Variants in SRGAP3 observed in about 807,000 individuals in gnomAD.
The protein encoded by SRGAP3 is SLIT-ROBO Rho GTPase-activating protein 3.
In SRGAP3, 39 loss-of-function variants were observed where a neutral mutation model predicts 121.1. The ratio of observed to expected loss-of-function variants is 0.32; its 90% CI spans 0.25 to 0.42. SRGAP3 has a LOEUF of 0.42. SRGAP3 is among the 10% of genes least tolerant of loss of function. SRGAP3 has a pLI of 1.00. For synonymous variants in SRGAP3, 601 were observed against 570.0 expected, an observed-to-expected ratio of 1.05 and a Z score of -0.77; for missense variants, 1,213 against 1,470.6, an observed-to-expected ratio of 0.82 and a Z score of 2.86.
intron 18 of SRGAP3, among the ~76,000 whole-genome samples, chr3:9,001,290 G>C (rs1032565836): frequency 6.6e-6 from 1 of 152,142 alleles, no homozygotes; most frequent in Non-Finnish European, 1.5e-5. Context: ...TGAATATACT[G>C]CTTACCCGGA....
At chr3:9,071,378 C>A (rs1218020870) in intron 4 of SRGAP3, among the ~76,000 whole-genome samples, 9 of 152,232 alleles carry the variant, frequency 5.9e-5, no homozygotes, top group Non-Finnish European at 1.3e-4. Context: ...GGGCATGAGA[C>A]CCTGGCCTGG....
intron 1 of SRGAP3, chr3:9,348,518 T>C (rs2125293459): frequency 1.3e-6 from 1 of 752,326 alleles, no homozygotes; most frequent in Non-Finnish European, 2.5e-6. Context: ...CAGCAGCTGG[T>C]ACAACACCGA....
At chr3:9,027,207 T>C (rs188735602) in intron 12 of SRGAP3, among the ~76,000 whole-genome samples, 2 of 152,334 alleles carry the variant, frequency 1.3e-5, no homozygotes, top group Admixed American at 6.5e-5. Context: ...CTATGATTAT[T>C]TTAAAGAAAT....
At chr3:9,263,839 A>G (rs1009891785) in intron 3 of SRGAP3, among the ~76,000 whole-genome samples, 2 of 152,242 alleles carry the variant, frequency 1.3e-5, no homozygotes, top group African/African-American at 2.4e-5. Context: ...CAAACAATAG[A>G]AAAAGAGGGA....
intron 12 of SRGAP3, among the ~76,000 whole-genome samples, chr3:9,030,793 A>G (rs1944445489): frequency 6.6e-6 from 1 of 152,118 alleles, no homozygotes; most frequent in South Asian, 2.1e-4. Context: ...ACCTAAGCAA[A>G]CTGAGGATGT....
intron 2 of SRGAP3, among the ~76,000 whole-genome samples, chr3:9,105,237 C>T (rs1343879740): frequency 2.0e-5 from 3 of 152,222 alleles, no homozygotes; most frequent in Admixed American, 2.0e-4. Flanking sequence ...TACTTCCACT[C>T]CCCCATTCTG....
At chr3:9,174,314 G>A (rs973270593) in intron 1 of SRGAP3, among the ~76,000 whole-genome samples, 3 of 152,224 alleles carry the variant, frequency 2.0e-5, no homozygotes, top group Non-Finnish European at 4.4e-5. Flanking sequence ...TGAACTGTAC[G>A]TTGTAAAATG....
chr3:9,182,204 C>CA (rs1188505883), intron 1 of SRGAP3, among the ~76,000 whole-genome samples: 47 of 106,458 alleles, frequency 4.4e-4, no homozygotes, highest in African/African-American at 1.6e-3. Context: ...AAAAAAAACA[C>CA]AAAAAAGCAT....
intron 3 of SRGAP3, among the ~76,000 whole-genome samples, chr3:9,081,530 G>A (rs1004726383): frequency 3.3e-5 from 5 of 152,232 alleles, no homozygotes; most frequent in South Asian, 2.1e-4. Context: ...AAAAGGGGGA[G>A]CAGGGGCTTC....
intron 7 of SRGAP3, among the ~76,000 whole-genome samples, chr3:9,056,967 C>T (rs1445340830): frequency 2.0e-5 from 3 of 152,192 alleles, no homozygotes; most frequent in Non-Finnish European, 2.9e-5. Context: ...CTGCAACCTC[C>T]ACCTCCCAGG....
chr3:9,331,303 C>A (rs1955601869), intron 1 of SRGAP3, among the ~76,000 whole-genome samples: 1 of 152,202 alleles, frequency 6.6e-6, no homozygotes, highest in South Asian at 2.1e-4. Context: ...TTAATCCTCA[C>A]AATTTATGTA....
At position 9,305,272 on chromosome 3, in the gene SRGAP3, G is replaced by A. The variant is rs545543307; in HGVS notation, n.442+20738C>T. Among the ~76,000 whole-genome samples, 14 of 151,466 alleles carry A rather than the reference G, an allele frequency of 9.2e-5. No homozygotes were observed. The East Asian group carries it at 2.5e-3, about 27-fold the overall frequency. On this transcript the variant is annotated intron_variant and non_coding_transcript_variant, in intron 3 of 3. Coordinates refer to the SRGAP3 transcript ENST00000490889. ...CTCCTGGTGCTCAGTCACTGGTGAGGGCAGCTCAAGAAGAGTGTGACCTCC... is the reference window on the plus strand; with the variant it reads ...CTCCTGGTGCTCAGTCACTGGTGAGAGCAGCTCAAGAAGAGTGTGACCTCC...
At chr3:9,300,001 T>G (rs1955024218) in intron 3 of SRGAP3, among the ~76,000 whole-genome samples, 1 of 151,364 alleles carries the variant, frequency 6.6e-6, no homozygotes, top group Non-Finnish European at 1.5e-5. Flanking sequence ...TTACTTCATC[T>G]CTCTGCAACA....
At chr3:9,143,200 C>T (rs1328674254) in intron 1 of SRGAP3, among the ~76,000 whole-genome samples, 1 of 152,112 alleles carries the variant, frequency 6.6e-6, no homozygotes, top group Non-Finnish European at 1.5e-5. Context: ...GTTATATGCT[C>T]AACAGTCCCA....
chr3:9,081,223 G>T (rs1421780865), intron 3 of SRGAP3: 1 of 456,452 alleles, frequency 2.2e-6, no homozygotes, highest in African/African-American at 2.0e-5. Context: ...CCTCCCCAGT[G>T]CTGGTCCCCT....
intron 12 of SRGAP3, among the ~76,000 whole-genome samples, 196 bp downstream of exon 12, chr3:9,032,454 A>C (rs17049960): frequency 0.016 from 2,395 of 152,300 alleles, 61 homozygotes; most frequent in African/African-American, 0.055. Flanking sequence ...TGCGCAGGGC[A>C]CTTAGGAGCA....
intron 4 of SRGAP3, among the ~76,000 whole-genome samples, chr3:9,064,843 G>A (rs1416501223): frequency 7.0e-6 from 1 of 143,226 alleles, no homozygotes; most frequent in Non-Finnish European, 1.5e-5. Flanking sequence ...GGCTAGTAAA[G>A]AGGAAATTAA....
At chr3:9,187,539 G>A (rs1016522976) in intron 1 of SRGAP3, among the ~76,000 whole-genome samples, 2 of 152,076 alleles carry the variant, frequency 1.3e-5, no homozygotes, top group African/African-American at 2.4e-5. Context: ...CCAGCCCTGG[G>A]CCTCTTCCCC....
At position 9,279,863 on chromosome 3, in the gene SRGAP3, G is replaced by A. The variant is rs1479048088; in HGVS notation, n.442+46147C>T. ...CAGAGGGTGCCAGGACAGGCAGTAA[G>A]GTGGCAGACCCCACAATGGACACAT... On this transcript the variant is annotated intron_variant and non_coding_transcript_variant, in intron 3 of 3. Transcript: ENST00000490889. Among the ~76,000 whole-genome samples the A allele has an allele frequency of 2.0e-5, 3 of 152,172 alleles. No homozygotes were observed. The East Asian group carries it at 5.8e-4, about 29-fold the overall frequency.
Sources: gnomAD v4.1 joint callset for allele counts (sites outside exome capture counted in the v4.1 genomes callset) on GRCh38, gnomAD v4.1.1 for gene constraint, MANE v1.5 for transcripts, NCBI Gene and HGNC (gene_info 2026-07-23, HGNC 2026-07-21) for gene names.